Variants in MYRIP observed in about 807,000 individuals in gnomAD.
MYRIP encodes rab effector MyRIP.
In MYRIP, 49 loss-of-function variants were observed where a neutral mutation model predicts 98.0. The ratio of observed to expected loss-of-function variants is 0.50; its 90% CI spans 0.40 to 0.63. The LOEUF (loss-of-function observed/expected upper bound fraction) is 0.63. MYRIP is among the 30% of genes least tolerant of loss of function. MYRIP has a pLI of 0.00. For synonymous variants in MYRIP, 404 were observed against 409.5 expected (o/e 0.99, Z 0.16); for missense variants, 1,004 against 1,058.2 (o/e 0.95, Z 0.71).
chr3:40,213,642 A>C (rs1952030602), intron 11 of MYRIP, among the ~76,000 whole-genome samples: 1 of 150,966 alleles, frequency 6.6e-6, no homozygotes, highest in South Asian at 2.1e-4. Context: ...ACACACACAC[A>C]CTCTTTGGGG....
intron 2 of MYRIP, among the ~76,000 whole-genome samples, chr3:39,938,936 C>A (rs1467544767): frequency 6.6e-6 from 1 of 152,142 alleles, no homozygotes; most frequent in Non-Finnish European, 1.5e-5. Flanking sequence ...GGCCTGGCAC[C>A]AGGGCAATGC....
intron 11 of MYRIP, among the ~76,000 whole-genome samples, chr3:40,223,165 G>A (rs1244772123): frequency 6.6e-6 from 1 of 152,190 alleles, no homozygotes; most frequent in Non-Finnish European, 1.5e-5. Flanking sequence ...TCCAAAATTA[G>A]GTTAGAGGTT....
chr3:40,193,561 C>A (rs1391003848), intron 10 of MYRIP, among the ~76,000 whole-genome samples: 1 of 152,106 alleles, frequency 6.6e-6, no homozygotes, highest in Non-Finnish European at 1.5e-5. Flanking sequence ...GTAGCATAAA[C>A]CTCTTTATAC....
chr3:40,116,031 G>C (rs1949269369), intron 3 of MYRIP, among the ~76,000 whole-genome samples: 1 of 152,170 alleles, frequency 6.6e-6, no homozygotes, highest in African/African-American at 2.4e-5. Context: ...ATAGAAATTG[G>C]CATGGAGTGG....
intron 3 of MYRIP, among the ~76,000 whole-genome samples, chr3:40,077,482 A>G (rs1201108980): frequency 6.8e-6 from 1 of 146,882 alleles, no homozygotes; most frequent in African/African-American, 2.5e-5. Context: ...AGGTTCTCCA[A>G]GGCCCCACCA....
In MYRIP at chr3:39,861,253, C is replaced by T. The variant is rs1209078464; in HGVS notation, c.-30-39534C>T. On this transcript the variant is annotated intron_variant, in intron 1 of 16. Transcript: ENST00000302541. The stretch of plus-strand genomic sequence containing the variant: ...CTGACCCTTGGTCCCCTAAATCTTC[C>T]AGAAATGAAGCTAGTCAACCAGGCT... Among the ~76,000 whole-genome samples, 4 of 152,114 alleles carry T rather than the reference C, an allele frequency of 2.6e-5. No individual in the cohort carries two copies. The East Asian group carries it at 7.7e-4, about 29-fold the overall frequency.
chr3:40,192,651 G>C (rs1403596704), intron 10 of MYRIP, among the ~76,000 whole-genome samples: 1 of 152,068 alleles, frequency 6.6e-6, no homozygotes, highest in Non-Finnish European at 1.5e-5. Context: ...GTGTCACCGA[G>C]GTGTCACCAT....
At chr3:40,073,709 C>T (rs536308699) in intron 3 of MYRIP, among the ~76,000 whole-genome samples, 1 of 152,216 alleles carries the variant, frequency 6.6e-6, no homozygotes, top group Non-Finnish European at 1.5e-5. Flanking sequence ...TAAGTGATTA[C>T]TGGGCATCTT....
At chr3:39,972,665 C>A (rs1407243329) in intron 2 of MYRIP, among the ~76,000 whole-genome samples, 1 of 151,988 alleles carries the variant, frequency 6.6e-6, no homozygotes, top group Non-Finnish European at 1.5e-5. Context: ...TATGCTTCGG[C>A]AGATTAAAAC....
rs1410775716 is a variant in MYRIP at position 40,258,393 on chromosome 3, A to G, written c.*227A>G. On this transcript the variant is annotated 3_prime_UTR_variant, in exon 17 of 17. Coordinates refer to ENST00000302541, the MANE Select transcript of MYRIP (RefSeq NM_015460.4). ...CTGCCTTAGGCTCCCAGGGGAATCC[A>G]AGACAGAAAATGAAGACACTGGCTT... is the stretch of plus-strand genomic sequence containing the variant. 6.1e-6 allele frequency: 3 copies of G among 489,498 alleles called. No homozygotes were observed. Among genetic ancestry groups the G allele is most frequent in the African/African-American group, 5.7e-5 (3 of 52,764 alleles). The allele number at this position is 489,498 out of a possible 1,614,324, so 30.3% of individuals were successfully genotyped here.
chr3:39,879,821 A>G (rs1177603339), intron 1 of MYRIP, among the ~76,000 whole-genome samples: 1 of 152,120 alleles, frequency 6.6e-6, no homozygotes, highest in Non-Finnish European at 1.5e-5. Flanking sequence ...CTGGGATCAG[A>G]CAAGGATTTG....
chr3:39,948,900 C>T (rs1412991112), intron 2 of MYRIP, among the ~76,000 whole-genome samples: 2 of 152,018 alleles, frequency 1.3e-5, no homozygotes, highest in African/African-American at 4.8e-5. Context: ...ATCTCAAAAG[C>T]AGCTAGAGAA....
chr3:40,064,824 C>T (rs1416039172), intron 3 of MYRIP, among the ~76,000 whole-genome samples: 4 of 152,148 alleles, frequency 2.6e-5, no homozygotes, highest in African/African-American at 4.8e-5. Flanking sequence ...GGACTTAATT[C>T]CTCACCCTGT....
At chr3:40,191,225 T>C (rs1951200292) in intron 10 of MYRIP, among the ~76,000 whole-genome samples, 1 of 152,162 alleles carries the variant, frequency 6.6e-6, no homozygotes, top group South Asian at 2.1e-4. Flanking sequence ...CACTCACACA[T>C]GCACAAACAT....
At chr3:40,018,536 G>GGTCCCTCATTTCCT (rs547980122) in intron 2 of MYRIP, among the ~76,000 whole-genome samples, 1 of 152,016 alleles carries the variant, frequency 6.6e-6, no homozygotes, top group African/African-American at 2.4e-5. Context: ...GTGGTCTTTT[G>GGTCCCTCATTTCCT]GTCCCTCATT....
At chr3:40,210,948 A>G (rs1164434979) in intron 11 of MYRIP, among the ~76,000 whole-genome samples, 2 of 152,266 alleles carry the variant, frequency 1.3e-5, no homozygotes, top group Middle Eastern at 3.4e-3. Flanking sequence ...CCAGCCTCCA[A>G]TGGAAGGGAA....
intron 4 of MYRIP, among the ~76,000 whole-genome samples, chr3:40,159,966 T>G (rs1020036201): frequency 2.0e-5 from 3 of 152,232 alleles, no homozygotes; most frequent in African/African-American, 4.8e-5. Flanking sequence ...CGGAGTAATT[T>G]GATCATCTGA....
At chr3:40,238,285 G>A (rs1280852623) in intron 12 of MYRIP, among the ~76,000 whole-genome samples, 1 of 152,210 alleles carries the variant, frequency 6.6e-6, no homozygotes, top group Non-Finnish European at 1.5e-5. Flanking sequence ...TAATTCAACA[G>A]ATCACAGAGC....
chr3:40,024,159 T>C (rs1263333730), intron 2 of MYRIP, among the ~76,000 whole-genome samples: 1 of 152,196 alleles, frequency 6.6e-6, no homozygotes, highest in African/African-American at 2.4e-5. Context: ...CAGCCACCTT[T>C]ATTCTCATCC....
Sources: gnomAD v4.1 joint callset for allele counts (sites outside exome capture counted in the v4.1 genomes callset) on GRCh38, gnomAD v4.1.1 for gene constraint, MANE v1.5 for transcripts, NCBI Gene and HGNC (gene_info 2026-07-23, HGNC 2026-07-21) for gene names.